Variants in PON2 observed in about 807,000 individuals in gnomAD.
PON2 encodes the protein paraoxonase 2.
PON2 carries 27 observed loss-of-function variants against 36.6 expected under a neutral mutation model. The observed-to-expected ratio is 0.74, with a 90% confidence interval of 0.54 to 1.02. PON2 has a LOEUF of 1.02. PON2 is among the 50% of genes least tolerant of loss of function. PON2 has a pLI of 0.00. For missense variants in PON2, 363 were observed against 421.1 expected (o/e 0.86, Z 1.21); for synonymous variants, 149 against 156.3 (o/e 0.95, Z 0.35).
At chr7:95,421,648 T>C (rs1211555492) in intron 2 of PON2, among the ~76,000 whole-genome samples, 1 of 151,850 alleles carries the variant, frequency 6.6e-6, no homozygotes. Flanking sequence ...GTTTGGGCAA[T>C]TGAAAGAAGG....
chr7:95,418,096 G>A lies in PON2; in HGVS notation c.146-1799C>T, dbSNP rs535147217. Reference sequence around the variant, plus strand: ...GTAGCCTTCTTTGGAATATTTTCCAGATCTTCTCCCCGTCATCATTTCTAT... The same window carrying A: ...GTAGCCTTCTTTGGAATATTTTCCAAATCTTCTCCCCGTCATCATTTCTAT... On this transcript the variant is annotated intron_variant, in intron 2 of 8. Coordinates refer to ENST00000222572, the MANE Select transcript of PON2 (RefSeq NM_000305.3). 3.3e-5 allele frequency: 5 copies of A among 152,218 alleles called. 1 individual carries two copies. The highest frequency in any genetic ancestry group is 1.2e-4 in the African/African-American group (5 of 41,552). The allele number at this position is 152,218 out of a possible 1,614,324, so 9.4% of individuals were successfully genotyped here.
intron 2 of PON2, among the ~76,000 whole-genome samples, chr7:95,420,398 T>G (rs2116486244): frequency 6.6e-6 from 1 of 152,328 alleles, no homozygotes; most frequent in South Asian, 2.1e-4. Flanking sequence ...TCTTGACATT[T>G]TAATATGCAG....
intron 7 of PON2, 47 bp from the exon 8 acceptor site, chr7:95,406,294 A>C: frequency 6.3e-7 from 1 of 1,584,986 alleles, no homozygotes; most frequent in Non-Finnish European, 8.7e-7. Flanking sequence ...GAGAAACTTG[A>C]TTAAATAATT....
chr7:95,409,137 A>G (rs17876154), intron 6 of PON2, among the ~76,000 whole-genome samples: 29,116 of 151,996 alleles, frequency 0.19, 3,895 homozygotes, highest in East Asian at 0.63. Flanking sequence ...ACATGGAGAA[A>G]CCTCATCTCT....
intron 5 of PON2, 69 bp from the exon 6 acceptor site, chr7:95,410,170 C>T (rs1788887682): frequency 2.3e-6 from 3 of 1,291,034 alleles, no homozygotes; most frequent in Non-Finnish European, 3.3e-6. Flanking sequence ...ATATTAAGTA[C>T]TCATAAGATT....
intron 6 of PON2, among the ~76,000 whole-genome samples, chr7:95,409,264 A>G (rs2116456486): frequency 6.6e-6 from 1 of 152,146 alleles, no homozygotes; most frequent in South Asian, 2.1e-4. Context: ...GTGAGCTGAG[A>G]TCATGCCATT....
intron 1 of PON2, among the ~76,000 whole-genome samples, chr7:95,425,089 A>G (rs879772506): frequency 2.0e-5 from 3 of 152,218 alleles, no homozygotes; most frequent in Admixed American, 1.3e-4. Context: ...ACAAAAAAGA[A>G]AAGAAGGTAG....
intron 1 of PON2, among the ~76,000 whole-genome samples, chr7:95,429,063 T>C (rs1789379614): frequency 1.3e-5 from 2 of 152,064 alleles, no homozygotes; most frequent in Non-Finnish European, 1.5e-5. Flanking sequence ...CTTTAAGTTC[T>C]AGGGTACATG....
rs764030824 is a variant in PON2 at position 95,411,640 on chromosome 7, A to C, written c.494+13T>G. The C allele has an allele frequency of 1.4e-5, 23 of 1,613,736 alleles. No individual in the cohort carries two copies. Among genetic ancestry groups the C allele is most frequent in the Non-Finnish European group, 1.9e-5 (22 of 1,179,840 alleles). On this transcript the variant is annotated intron_variant, in intron 5 of 8. Coordinates refer to ENST00000222572, the MANE Select transcript of PON2 (RefSeq NM_000305.3). Reference sequence around the variant, plus strand: ...TGGGGATAAATTAGAGAAGGAACAAAATGAGGAAGTACCTTGGAAGAAGCT... The same window carrying C: ...TGGGGATAAATTAGAGAAGGAACAACATGAGGAAGTACCTTGGAAGAAGCT...
At chr7:95,417,988 T>TA (rs1204782057) in intron 2 of PON2, among the ~76,000 whole-genome samples, 8 of 151,852 alleles carry the variant, frequency 5.3e-5, no homozygotes, top group Admixed American at 5.2e-4. Context: ...AATCTTTTTT[T>TA]AAAAAAATAC....
At chr7:95,405,973 G>T in intron 8 of PON2, 146 bp downstream of exon 8, 1 of 852,858 alleles carries the variant, frequency 1.2e-6, no homozygotes, top group Non-Finnish European at 1.8e-6. Context: ...CCAATTATTG[G>T]CTTAACGCAA....
intron 1 of PON2, among the ~76,000 whole-genome samples, chr7:95,433,421 T>C (rs1260593712): frequency 6.6e-6 from 1 of 152,204 alleles, no homozygotes; most frequent in Non-Finnish European, 1.5e-5. Context: ...AATCAGAATC[T>C]TTGGTGGTGC....
intron 7 of PON2, 112 bp from the exon 8 acceptor site, chr7:95,406,359 TC>T: frequency 1.7e-6 from 2 of 1,200,300 alleles, no homozygotes; most frequent in Non-Finnish European, 2.4e-6. Context: ...TCGCCCTGCT[TC>T]CACCTTCTAA....
At chr7:95,425,018 C>T (rs2116497394) in intron 1 of PON2, among the ~76,000 whole-genome samples, 1 of 152,098 alleles carries the variant, frequency 6.6e-6, no homozygotes, top group Admixed American at 6.5e-5. Flanking sequence ...GCAAAGAAGC[C>T]AAGAGAAAAT....
intron 2 of PON2, 152 bp downstream of exon 2, chr7:95,424,363 A>G (rs1789264562): frequency 6.0e-6 from 4 of 670,376 alleles, no homozygotes; most frequent in Non-Finnish European, 5.3e-6. Flanking sequence ...AGGGTTCATC[A>G]GATCAAGAGG....
exon 1 of PON2, chr7:95,435,025 CGATG>C (rs972826277): frequency 7.1e-6 from 10 of 1,408,984 alleles, no homozygotes; most frequent in Admixed American, 7.8e-5. Flanking sequence ...CTTCCCGGCT[CGATG>C]GTGCCGGCCG....
At chr7:95,433,645 T>C (rs1306470185) in intron 1 of PON2, among the ~76,000 whole-genome samples, 1 of 152,236 alleles carries the variant, frequency 6.6e-6, no homozygotes, top group Non-Finnish European at 1.5e-5. Context: ...CCTCAAAACC[T>C]ATCCTTCCCA....
At chr7:95,411,899 T>C (rs1788937064) in intron 4 of PON2, 120 bp from the exon 5 acceptor site, 2 of 1,020,518 alleles carry the variant, frequency 2.0e-6, no homozygotes, top group Non-Finnish European at 3.0e-6. Context: ...TTAGACGACC[T>C]AACAGATCAT....
At chr7:95,405,954 A>G (rs1370883458) in intron 8 of PON2, among the ~76,000 whole-genome samples, 165 bp downstream of exon 8, 1 of 152,234 alleles carries the variant, frequency 6.6e-6, no homozygotes, top group Non-Finnish European at 1.5e-5. Flanking sequence ...TGAACAATGT[A>G]ACATTCTGCC....
Sources: gnomAD v4.1 joint callset for allele counts (sites outside exome capture counted in the v4.1 genomes callset) on GRCh38, gnomAD v4.1.1 for gene constraint, MANE v1.5 for transcripts, NCBI Gene and HGNC (gene_info 2026-07-23, HGNC 2026-07-21) for gene names.